TMLHE: variants seen among roughly 807,000 people sequenced by gnomAD.
TMLHE encodes the protein trimethyllysine hydroxylase, epsilon, also known as trimethyllysine dioxygenase, mitochondrial.
In TMLHE, 18 loss-of-function variants were observed where a neutral mutation model predicts 25.7. The observed-to-expected ratio is 0.70, with a 90% confidence interval of 0.48 to 1.04. TMLHE has a LOEUF of 1.04. Among genes scored for constraint, TMLHE ranks in the 50% least tolerant of loss-of-function variants. TMLHE has a pLI of 0.00. For missense variants in TMLHE, 236 were observed against 259.0 expected (o/e 0.91, Z 0.61); for synonymous variants, 105 against 97.0 (o/e 1.08, Z -0.49).
chrX:155,600,995 G>C (rs2067753024), intron 1 of TMLHE, among the ~76,000 whole-genome samples: 1 of 111,893 alleles, frequency 8.9e-6, no homozygotes, highest in South Asian at 3.7e-4. Flanking sequence ...AAAAAACTGA[G>C]TAAAAGCATC....
intron 1 of TMLHE, among the ~76,000 whole-genome samples, chrX:155,580,942 A>G (rs1486336989): frequency 2.7e-5 from 3 of 111,918 alleles, no homozygotes; most frequent in Non-Finnish European, 5.6e-5. Context: ...CTAGCAAACC[A>G]AATCTATCAG....
chrX:155,549,245 T>C (rs1450545073), intron 1 of TMLHE, among the ~76,000 whole-genome samples: 6 of 111,004 alleles, frequency 5.4e-5, no homozygotes, highest in East Asian at 2.8e-4. Flanking sequence ...TTTGCTGCAT[T>C]GTGCTCACTA....
At chrX:155,584,981 G>A (rs985248477) in intron 1 of TMLHE, among the ~76,000 whole-genome samples, 7 of 111,483 alleles carry the variant, frequency 6.3e-5, no homozygotes, top group Admixed American at 4.8e-4. Context: ...ATGAGGAAGA[G>A]AATGGACTCA....
At chrX:155,526,641 G>C (rs2067221288) in intron 2 of TMLHE, among the ~76,000 whole-genome samples, 2 of 112,298 alleles carry the variant, frequency 1.8e-5, no homozygotes, top group South Asian at 7.4e-4. Flanking sequence ...CTTGCACTGT[G>C]CACCTGGAAA....
chrX:155,535,508 A>T (rs2067273511), intron 2 of TMLHE, among the ~76,000 whole-genome samples: 1 of 111,931 alleles, frequency 8.9e-6, no homozygotes, highest in South Asian at 3.7e-4. Flanking sequence ...ATTAGCTCTC[A>T]AAGGTTCCAT....
At chrX:155,551,611 A>C (rs2067416257) in intron 1 of TMLHE, among the ~76,000 whole-genome samples, 1 of 109,930 alleles carries the variant, frequency 9.1e-6, no homozygotes. Flanking sequence ...TTTCAGTTCT[A>C]GTATTTCCAC....
intron 3 of TMLHE, chrX:155,524,158 T>C (rs782575351): frequency 4.7e-6 from 1 of 211,532 alleles, no homozygotes; most frequent in Non-Finnish European, 8.5e-6. Flanking sequence ...TTCAGTACTA[T>C]GATAAATAAG....
Position 155,514,014 on chromosome X carries a change from T to G in TMLHE, c.610A>C (p.Lys204Gln), listed in dbSNP as rs2067135351. 8.3e-7 allele frequency: 1 copy of G among 1,208,261 alleles called. No individual in the cohort carries two copies. Among genetic ancestry groups the G allele is most frequent in the Admixed American group, 2.2e-5 (1 of 45,623 alleles). Residue 204 changes from lysine to glutamine, a missense_variant, in exon 4 of 8, where the codon AAG (lysine) becomes CAG (glutamine). This residue lies in a region of TMLHE where 217 missense variants were observed against 214.6 expected (regional missense o/e 1.01). Coordinates refer to ENST00000334398, the MANE Select transcript of TMLHE (RefSeq NM_018196.4). ...NVPPTQEHTEKLAERISLIRE... is the reference protein window; with the variant it reads ...NVPPTQEHTEQLAERISLIRE... ...ATTAAGCTGATCCTTTCTGCCAACT[T>G]CTCTGTGTGCTCTTGAGTGGGAGGG...
chrX:155,539,376 A>G (rs1473789289), intron 2 of TMLHE, among the ~76,000 whole-genome samples: 3 of 111,482 alleles, frequency 2.7e-5, no homozygotes, highest in African/African-American at 9.8e-5. Context: ...CTAGTTTACT[A>G]CAGAAACAGA....
intron 3 of TMLHE, among the ~76,000 whole-genome samples, chrX:155,518,921 A>T: frequency 2.3e-5 from 1 of 42,646 alleles, no homozygotes; most frequent in African/African-American, 5.6e-5. Flanking sequence ...TTTTTTCTTT[A>T]TTAGTCTTGC....
At chrX:155,572,174 A>C (rs1344177376) in intron 1 of TMLHE, among the ~76,000 whole-genome samples, 1 of 56,318 alleles carries the variant, frequency 1.8e-5, no homozygotes, top group Non-Finnish European at 4.6e-5. Flanking sequence ...AATCACAAGC[A>C]TTCTTATACA....
rs192080520 is a variant in TMLHE, at chrX:155,608,296, A to G, written c.-2+4496T>C. ...TCTTTGACGCTGATGAAAACAAGTA[A>G]TGGGATAGATACTCCCTATTCAATA... On this transcript the variant is annotated intron_variant, in intron 1 of 7. Coordinates refer to ENST00000334398, the MANE Select transcript of TMLHE (RefSeq NM_018196.4). Among the ~76,000 whole-genome samples, 3 of 111,991 alleles carry G rather than the reference A, an allele frequency of 2.7e-5. No homozygotes were observed. In the East Asian group the frequency reaches 8.4e-4, roughly 31 times the overall value.
chrX:155,612,007 G>A (rs1344365589), intron 1 of TMLHE: 2 of 111,768 alleles, frequency 1.8e-5, no homozygotes, highest in African/African-American at 3.3e-5. Context: ...GTTAAAGCAC[G>A]CAACTCATTT....
chrX:155,539,549 C>G (rs2067298919), intron 2 of TMLHE, among the ~76,000 whole-genome samples: 1 of 111,560 alleles, frequency 9.0e-6, no homozygotes, highest in South Asian at 3.7e-4. Flanking sequence ...GGAGAATGTC[C>G]TCCTTGTATG....
At chrX:155,530,329 T>C (rs940053034) in intron 2 of TMLHE, among the ~76,000 whole-genome samples, 1 of 110,080 alleles carries the variant, frequency 9.1e-6, no homozygotes, top group East Asian at 2.8e-4. Flanking sequence ...AGAAAAAAAA[T>C]TTGCATGATC....
chrX:155,541,620 C>T (rs2067312926), intron 2 of TMLHE, among the ~76,000 whole-genome samples: 2 of 111,807 alleles, frequency 1.8e-5, no homozygotes, highest in South Asian at 7.5e-4. Flanking sequence ...AGAATCTCCA[C>T]ACTGTCTTCC....
At chrX:155,582,477 G>GA (rs1390145298) in intron 1 of TMLHE, among the ~76,000 whole-genome samples, 2 of 111,375 alleles carry the variant, frequency 1.8e-5, no homozygotes, top group Middle Eastern at 4.6e-3. Flanking sequence ...AAATTTACAA[G>GA]AAAAAATCAA....
Position 155,511,681 on chromosome X carries a change from C to A in TMLHE, c.750G>T (p.Glu250Asp), listed in dbSNP as rs782454955. 1.1e-5 allele frequency: 13 copies of A among 1,197,831 alleles called. No homozygotes were observed. The highest frequency in any genetic ancestry group is 1.4e-5 in the Non-Finnish European group (12 of 886,567). ...DRHTDTTYFQ[E>D]PCGIQVFHCL... The stretch of plus-strand genomic sequence containing the variant: ...AAGTCTAATCCACCTACCCACAGGG[C>A]TCTTGAAAATAGGTAGTGTCAGTGT... The change falls in exon 5 of 8, where the codon GAG (glutamate) becomes GAT (aspartate). Residue 250 changes from glutamate to aspartate, a missense_variant. Coordinates refer to ENST00000334398, the MANE Select transcript of TMLHE (RefSeq NM_018196.4).
intron 2 of TMLHE, among the ~76,000 whole-genome samples, chrX:155,544,101 C>G (rs1449570669): frequency 9.0e-6 from 1 of 111,678 alleles, no homozygotes; most frequent in Non-Finnish European, 1.9e-5. Context: ...ATTCTACAAT[C>G]TTCAGATTCT....
Sources: gnomAD v4.1 joint callset for allele counts (sites outside exome capture counted in the v4.1 genomes callset) on GRCh38, gnomAD v4.1.1 for gene constraint, gnomAD v4.1.1 regional missense constraint, MANE v1.5 for transcripts, NCBI Gene and HGNC (gene_info 2026-07-23, HGNC 2026-07-21) for gene names.